Variants in PBX1 observed in about 807,000 individuals in gnomAD.
PBX1 encodes the protein pre-B-cell leukemia transcription factor 1.
A neutral mutation model predicts 53.4 loss-of-function variants in PBX1; 6 were observed. The ratio of observed to expected loss-of-function variants is 0.11; its 90% CI spans 0.06 to 0.22. The LOEUF is 0.22. Among genes scored for constraint, PBX1 ranks in the 10% least tolerant of loss-of-function variants. The pLI, the probability that PBX1 is intolerant of heterozygous loss-of-function variation, is 1.00. For missense variants in PBX1, 251 were observed against 551.4 expected (o/e 0.46, Z 5.46); for synonymous variants, 204 against 212.3 (o/e 0.96, Z 0.34).
intron 2 of PBX1, among the ~76,000 whole-genome samples, chr1:164,637,403 G>A (rs893919733): frequency 6.6e-6 from 1 of 152,226 alleles, no homozygotes; most frequent in Non-Finnish European, 1.5e-5. Flanking sequence ...CGTGAAAGCA[G>A]CGGGGCTGGT....
intron 2 of PBX1, among the ~76,000 whole-genome samples, chr1:164,679,746 C>T (rs928801993): frequency 6.6e-6 from 1 of 152,168 alleles, no homozygotes; most frequent in Non-Finnish European, 1.5e-5. Context: ...TAAATTTATG[C>T]ACCTGTGAGT....
chr1:164,639,116 A>G (rs1452986927), intron 2 of PBX1, among the ~76,000 whole-genome samples: 1 of 152,322 alleles, frequency 6.6e-6, no homozygotes, highest in East Asian at 1.9e-4. Context: ...TCTTGTCTGT[A>G]AGGGATAGCA....
At chr1:164,618,548 A>G (rs1163802038) in intron 2 of PBX1, among the ~76,000 whole-genome samples, 2 of 152,212 alleles carry the variant, frequency 1.3e-5, no homozygotes, top group Admixed American at 6.5e-5. Context: ...AAAAAATTAC[A>G]CCCAAGTGAA....
chr1:164,831,834 C>T (rs1185112482), intron 8 of PBX1, among the ~76,000 whole-genome samples: 1 of 152,154 alleles, frequency 6.6e-6, no homozygotes, highest in Non-Finnish European at 1.5e-5. Flanking sequence ...GGGGCTCCCT[C>T]CCTTGCACCT....
At chr1:164,807,038 C>A (rs1303703084) in intron 4 of PBX1, among the ~76,000 whole-genome samples, 4 of 152,164 alleles carry the variant, frequency 2.6e-5, no homozygotes, top group Admixed American at 6.5e-5. Context: ...GCAGGCAGAT[C>A]ATGAGGTCGG....
At chr1:164,807,870 GAGA>G (rs1669431955) in intron 5 of PBX1, among the ~76,000 whole-genome samples, 193 bp downstream of exon 5, 1 of 152,212 alleles carries the variant, frequency 6.6e-6, no homozygotes, top group South Asian at 2.1e-4. Flanking sequence ...GGCAAAACTT[GAGA>G]AGAACCAGCA....
At chr1:164,595,302 C>T (rs1372012722) in intron 2 of PBX1, among the ~76,000 whole-genome samples, 1 of 152,168 alleles carries the variant, frequency 6.6e-6, no homozygotes. Flanking sequence ...TCCGTGGAAG[C>T]CGTGATCAGA....
chr1:164,861,399 C>G (rs1171057696), intron 2 of PBX1, among the ~76,000 whole-genome samples: 2 of 152,198 alleles, frequency 1.3e-5, no homozygotes, highest in Non-Finnish European at 2.9e-5. Flanking sequence ...CCTGGATTGT[C>G]TAACAAACCT....
chr1:164,727,440 T>C (rs1664755503), intron 2 of PBX1, among the ~76,000 whole-genome samples: 1 of 152,208 alleles, frequency 6.6e-6, no homozygotes, highest in Non-Finnish European at 1.5e-5. Context: ...ACTAACATAG[T>C]TTAGAAAGTT....
In PBX1 at chr1:164,799,902, TG is replaced by T; in HGVS notation, c.701+17del. The T allele has an allele frequency of 6.2e-7, 1 of 1,605,194 alleles. No individual in the cohort carries two copies. The highest frequency in any genetic ancestry group is 8.5e-7 in the Non-Finnish European group (1 of 1,174,454). On this transcript the variant is annotated intron_variant, in intron 4 of 8. Transcript: ENST00000420696. The stretch of plus-strand genomic sequence containing the variant: ...TTCTGGATGCGCGGTGAGTCTCCCA[TG>T]GGGCTGTCCTGCCCTCTCTGGGAGT...
chr1:164,726,213 C>T (rs1664693009), intron 2 of PBX1, among the ~76,000 whole-genome samples: 1 of 152,148 alleles, frequency 6.6e-6, no homozygotes, highest in Non-Finnish European at 1.5e-5. Flanking sequence ...TTTGGTCAAC[C>T]CACGGTTGCC....
chr1:164,698,604 G>A (rs1483251543), intron 2 of PBX1, among the ~76,000 whole-genome samples: 1 of 152,098 alleles, frequency 6.6e-6, no homozygotes, highest in Non-Finnish European at 1.5e-5. Flanking sequence ...TGCTAGCAGA[G>A]GATATCTGTG....
chr1:164,723,410 G>A (rs1230020418), intron 2 of PBX1, among the ~76,000 whole-genome samples: 1 of 151,766 alleles, frequency 6.6e-6, no homozygotes, highest in Non-Finnish European at 1.5e-5. Flanking sequence ...ACTGGGAGGT[G>A]GCCAGACTGG....
chr1:164,846,850 A>C lies in PBX1; in HGVS notation c.*174A>C, dbSNP rs1299099536. The C allele has an allele frequency of 4.2e-6, 6 of 1,429,550 alleles. No individual in the cohort carries two copies. Among genetic ancestry groups the C allele is most frequent in the Admixed American group, 5.5e-5 (2 of 36,430 alleles). 88.6% of individuals were successfully genotyped at this position (1,429,550 alleles called of 1,614,324 possible). On this transcript the variant is annotated 3_prime_UTR_variant, in exon 9 of 9. Transcript: ENST00000420696. ...GGATGCTATTTCAGCCAATCTGGAC[A>C]CTTCTTTATACTCTCTTCCCTTTTT... is the stretch of plus-strand genomic sequence containing the variant.
At chr1:164,678,953 A>G (rs1314894067) in intron 2 of PBX1, among the ~76,000 whole-genome samples, 2 of 152,206 alleles carry the variant, frequency 1.3e-5, no homozygotes, top group Non-Finnish European at 2.9e-5. Flanking sequence ...GACTCCAGAA[A>G]AATCACGTAC....
At chr1:164,689,826 C>CCGTG (rs1420075941) in intron 2 of PBX1, among the ~76,000 whole-genome samples, 1 of 152,020 alleles carries the variant, frequency 6.6e-6, no homozygotes, top group Non-Finnish European at 1.5e-5. Flanking sequence ...CTCTCTCTCC[C>CCGTG]CGTGCCCTGC....
chr1:164,687,524 A>G (rs1662179666), intron 2 of PBX1, among the ~76,000 whole-genome samples: 1 of 142,556 alleles, frequency 7.0e-6, no homozygotes, highest in African/African-American at 2.6e-5. Flanking sequence ...TGATTGCACC[A>G]CTGCACTCCA....
chr1:164,783,476 G>A (rs1325650872), intron 2 of PBX1, among the ~76,000 whole-genome samples: 4 of 152,128 alleles, frequency 2.6e-5, no homozygotes, highest in South Asian at 4.2e-4. Flanking sequence ...GATTCCTAAC[G>A]CGCAGAAAAA....
At position 164,672,028 on chromosome 1, in the gene PBX1, T is replaced by C. The variant is rs569976569; in HGVS notation, c.265+108717T>C. 2.0e-3 allele frequency among the ~76,000 whole-genome samples: 250 copies of C among 125,076 alleles called. 1 individual carries two copies. Among genetic ancestry groups the C allele is most frequent in the African/African-American group, 6.4e-3 (231 of 36,308 alleles). The allele number at this position is 125,076 out of a possible 152,430, so 82.1% of individuals were successfully genotyped here. A position where few individuals can be genotyped will look rare whatever the true frequency, so the allele number is the denominator to read the frequency against. On this transcript the variant is annotated intron_variant, in intron 2 of 8. Coordinates refer to ENST00000420696, the MANE Select transcript of PBX1 (RefSeq NM_002585.4). ...ATGCATTTTTCTTACTCTGGTTGTT[T>C]TTCTTTCTGTTTTTTTTTTTTTCCC...
Sources: gnomAD v4.1 joint callset for allele counts (sites outside exome capture counted in the v4.1 genomes callset) on GRCh38, gnomAD v4.1.1 for gene constraint, MANE v1.5 for transcripts, NCBI Gene and HGNC (gene_info 2026-07-23, HGNC 2026-07-21) for gene names.